SLC4A10: variants seen among roughly 807,000 people sequenced by gnomAD.
The protein encoded by SLC4A10 is solute carrier family 4 member 10, also known as sodium-driven chloride bicarbonate exchanger.
SLC4A10 carries 42 observed loss-of-function variants against 137.7 expected under a neutral mutation model. The observed-to-expected ratio is 0.30, with a 90% CI of 0.24 to 0.39. SLC4A10 has a LOEUF of 0.39. Ranked by LOEUF, SLC4A10 falls within the 10% of genes least tolerant of loss-of-function variation. The pLI is 1.00. For synonymous variants in SLC4A10, 474 were observed against 464.1 expected (o/e 1.02, Z -0.27); for missense variants, 925 against 1,355.0 (o/e 0.68, Z 4.98).
intron 21 of SLC4A10, among the ~76,000 whole-genome samples, chr2:161,962,923 G>C (rs999555844): frequency 6.6e-6 from 1 of 152,074 alleles, no homozygotes; most frequent in African/African-American, 2.4e-5. Flanking sequence ...ATTGCCTACA[G>C]TTTTTAAAAT....
chr2:161,652,039 G>A (rs966960890), intron 1 of SLC4A10, among the ~76,000 whole-genome samples: 1 of 152,220 alleles, frequency 6.6e-6, no homozygotes, highest in African/African-American at 2.4e-5. Context: ...CTTGGTTAAA[G>A]TAATGTCTGC....
chr2:161,776,187 C>A (rs1281049828), intron 2 of SLC4A10, among the ~76,000 whole-genome samples: 3 of 151,854 alleles, frequency 2.0e-5, no homozygotes, highest in Non-Finnish European at 4.4e-5. Context: ...TCTTTAAAAG[C>A]AGCAGAACTT....
At chr2:161,882,967 A>G (rs553429668) in intron 10 of SLC4A10, among the ~76,000 whole-genome samples, 1 of 152,206 alleles carries the variant, frequency 6.6e-6, no homozygotes, top group East Asian at 1.9e-4. Flanking sequence ...AGAGCATGTA[A>G]ATTTTTCTAT....
At chr2:161,694,365 C>A (rs1369311960) in intron 1 of SLC4A10, among the ~76,000 whole-genome samples, 1 of 151,666 alleles carries the variant, frequency 6.6e-6, no homozygotes, top group Non-Finnish European at 1.5e-5. Context: ...TAACTTTATG[C>A]TGCTTAAGGC....
chr2:161,772,076 C>T (rs1038398511), intron 2 of SLC4A10, among the ~76,000 whole-genome samples: 6 of 151,652 alleles, frequency 4.0e-5, no homozygotes, highest in African/African-American at 1.2e-4. Context: ...ACAACTATAC[C>T]GACTCTTGCC....
At chr2:161,704,720 C>T (rs886283429) in intron 1 of SLC4A10, among the ~76,000 whole-genome samples, 20 of 151,534 alleles carry the variant, frequency 1.3e-4, no homozygotes, top group African/African-American at 4.8e-4. Context: ...ATATATTTTC[C>T]TTTATCATTA....
intron 10 of SLC4A10, among the ~76,000 whole-genome samples, chr2:161,884,652 T>C (rs62188796): frequency 0.068 from 10,402 of 152,236 alleles, 454 homozygotes; most frequent in East Asian, 0.13. Flanking sequence ...TTTCAGAGCA[T>C]GGCTTTAGGT....
At chr2:161,880,248 A>G (rs2061684831) in intron 9 of SLC4A10, among the ~76,000 whole-genome samples, 1 of 152,118 alleles carries the variant, frequency 6.6e-6, no homozygotes, top group African/African-American at 2.4e-5. Flanking sequence ...TCCTCTTCCA[A>G]ACATTGAATA....
chr2:161,625,686 T>TA (rs1481339713), intron 1 of SLC4A10, among the ~76,000 whole-genome samples: 2 of 152,060 alleles, frequency 1.3e-5, no homozygotes, highest in Admixed American at 1.3e-4. Context: ...TTCAGGGCCT[T>TA]ACCTCTCCTG....
At chr2:161,887,023 T>C (rs1487902873) in intron 10 of SLC4A10, among the ~76,000 whole-genome samples, 1 of 152,106 alleles carries the variant, frequency 6.6e-6, no homozygotes, top group Admixed American at 6.6e-5. Context: ...CTCCCACTTA[T>C]AAGTGAGAAC....
intron 21 of SLC4A10, among the ~76,000 whole-genome samples, chr2:161,961,364 G>A (rs933550861): frequency 6.6e-6 from 1 of 152,066 alleles, no homozygotes; most frequent in Non-Finnish European, 1.5e-5. Flanking sequence ...TCCTGACACT[G>A]GGAAAAATGA....
At chr2:161,904,556 G>T (rs185178678) in intron 13 of SLC4A10, among the ~76,000 whole-genome samples, 6 of 152,300 alleles carry the variant, frequency 3.9e-5, no homozygotes, top group East Asian at 3.9e-4. Context: ...AGAGACGTGA[G>T]ATAGGAAAGT....
At chr2:161,625,911 A>C (rs371872258) in intron 1 of SLC4A10, among the ~76,000 whole-genome samples, 18 of 152,090 alleles carry the variant, frequency 1.2e-4, no homozygotes, top group East Asian at 7.8e-4. Context: ...CAGGAGAAAG[A>C]AGTTTGTCAA....
At chr2:161,842,504 A>G (rs1304456526) in intron 4 of SLC4A10, among the ~76,000 whole-genome samples, 1 of 151,880 alleles carries the variant, frequency 6.6e-6, no homozygotes, top group Non-Finnish European at 1.5e-5. Flanking sequence ...TATTTATTTT[A>G]TATAAATCAT....
rs546886698 is a variant in SLC4A10, at chr2:161,747,832, T to C, written c.49-23141T>C. Among the ~76,000 whole-genome samples, 14 of 152,328 alleles carry C rather than the reference T, an allele frequency of 9.2e-5. No individual in the cohort carries two copies. The South Asian group carries it at 2.7e-3, about 29-fold the overall frequency. ...ACCTGGAAGAGGGATTGATGGATCA[T>C]ATGGTAATTCTATTTTACTTTTTTT... On this transcript the variant is annotated intron_variant, in intron 1 of 26. Transcript: ENST00000446997.
At chr2:161,942,606 C>A (rs1372061441) in intron 15 of SLC4A10, among the ~76,000 whole-genome samples, 186 bp from the exon 16 acceptor site, 2 of 152,036 alleles carry the variant, frequency 1.3e-5, no homozygotes, top group Non-Finnish European at 2.9e-5. Context: ...AGTCTAGTAT[C>A]CTAACAGTCT....
Position 161,932,210 on chromosome 2 carries a change from G to A in SLC4A10, c.1998-10582G>A, listed in dbSNP as rs142642200. Among the ~76,000 whole-genome samples, 498 of 152,240 alleles carry A rather than the reference G, an allele frequency of 3.3e-3. 4 individuals carry two copies. Among genetic ancestry groups the A allele is most frequent in the East Asian group, 7.7e-3 (40 of 5,186 alleles). On this transcript the variant is annotated intron_variant, in intron 15 of 26. Coordinates refer to ENST00000446997, the MANE Select transcript of SLC4A10 (RefSeq NM_001178015.2). ...ACTGGCTTACAGACTGAGGTTGGCAGGTTCAGATATGTATGAGCAGAACAG... is the reference window on the plus strand; with the variant it reads ...ACTGGCTTACAGACTGAGGTTGGCAAGTTCAGATATGTATGAGCAGAACAG...
chr2:161,895,969 T>C (rs1219019053), intron 11 of SLC4A10, among the ~76,000 whole-genome samples: 1 of 151,048 alleles, frequency 6.6e-6, no homozygotes, highest in Non-Finnish European at 1.5e-5. Context: ...TTTGGTGTTT[T>C]AGACATGAAG....
At chr2:161,934,304 C>T (rs1305520541) in intron 15 of SLC4A10, among the ~76,000 whole-genome samples, 6 of 152,108 alleles carry the variant, frequency 3.9e-5, no homozygotes, top group African/African-American at 1.4e-4. Flanking sequence ...CCCCCACTTG[C>T]CTGCCCACCC....
Sources: gnomAD v4.1 joint callset for allele counts (sites outside exome capture counted in the v4.1 genomes callset) on GRCh38, gnomAD v4.1.1 for gene constraint, MANE v1.5 for transcripts, NCBI Gene and HGNC (gene_info 2026-07-23, HGNC 2026-07-21) for gene names.